The following CCDC178 variants were observed in gnomAD, a reference collection of about 807,000 sequenced individuals.
The protein encoded by CCDC178 is coiled-coil domain containing 178, also known as coiled-coil domain-containing protein 178.
CCDC178 carries 126 observed loss-of-function variants against 117.4 expected under a neutral mutation model. The observed-to-expected ratio is 1.07, with a 90% CI of 0.93 to 1.24. The LOEUF (loss-of-function observed/expected upper bound fraction) is 1.24. Ranked by LOEUF, CCDC178 falls within the 50% of genes most tolerant of loss-of-function variation. The pLI, the probability that CCDC178 is intolerant of heterozygous loss-of-function variation, is 0.00. For missense variants in CCDC178, 1,030 were observed against 986.9 expected, an observed-to-expected ratio of 1.04 and a Z score of -0.59; for synonymous variants, 283 against 313.4, an observed-to-expected ratio of 0.90 and a Z score of 1.02.
chr18:33,329,523 T>C (rs1397809786), intron 10 of CCDC178, among the ~76,000 whole-genome samples: 1 of 152,232 alleles, frequency 6.6e-6, no homozygotes, highest in African/African-American at 2.4e-5. Context: ...TTGTCCATTG[T>C]TTGTTCTTCA....
At chr18:33,317,998 G>T (rs991708739) in intron 11 of CCDC178, among the ~76,000 whole-genome samples, 1 of 151,968 alleles carries the variant, frequency 6.6e-6, no homozygotes, top group South Asian at 2.1e-4. Context: ...TGAAACAACC[G>T]GAAGAAGGCA....
At chr18:33,400,701 C>T (rs2063698035) in intron 3 of CCDC178, among the ~76,000 whole-genome samples, 1 of 152,144 alleles carries the variant, frequency 6.6e-6, no homozygotes, top group Admixed American at 6.6e-5. Flanking sequence ...TCTATCCAGA[C>T]CACTAAAACT....
intron 21 of CCDC178, among the ~76,000 whole-genome samples, chr18:33,055,737 C>T (rs1002071760): frequency 1.3e-5 from 2 of 152,064 alleles, no homozygotes; most frequent in Admixed American, 6.6e-5. Flanking sequence ...TAATTATCTT[C>T]AATTCTTTCT....
intron 21 of CCDC178, among the ~76,000 whole-genome samples, chr18:33,071,813 C>T (rs535965493): frequency 1.3e-5 from 2 of 152,160 alleles, no homozygotes; most frequent in African/African-American, 4.8e-5. Context: ...TGGGATCATC[C>T]AGTCAACTGC....
At chr18:33,292,442 G>A (rs1219695506) in intron 12 of CCDC178, among the ~76,000 whole-genome samples, 3 of 152,110 alleles carry the variant, frequency 2.0e-5, no homozygotes, top group Non-Finnish European at 2.9e-5. Context: ...TAGGGACATA[G>A]AGAGAGGTTG....
chr18:33,217,236 TAG>T (rs1227565476), intron 18 of CCDC178, among the ~76,000 whole-genome samples: 3 of 152,030 alleles, frequency 2.0e-5, no homozygotes, highest in African/African-American at 7.2e-5. Context: ...GTGGTATTTG[TAG>T]AGAGACTCAT....
intron 20 of CCDC178, among the ~76,000 whole-genome samples, chr18:33,122,884 T>C (rs2057955803): frequency 6.6e-6 from 1 of 152,162 alleles, no homozygotes; most frequent in African/African-American, 2.4e-5. Flanking sequence ...TCAAACACTC[T>C]ATCCATAGTC....
chr18:33,269,720 C>T (rs1431907671), intron 12 of CCDC178, among the ~76,000 whole-genome samples: 1 of 151,836 alleles, frequency 6.6e-6, no homozygotes, highest in South Asian at 2.1e-4. Context: ...CAAAACAAAA[C>T]AACAAAGATT....
At chr18:33,083,935 G>A (rs768781983) in intron 21 of CCDC178, among the ~76,000 whole-genome samples, 39 of 152,164 alleles carry the variant, frequency 2.6e-4, no homozygotes, top group Admixed American at 9.8e-4. Flanking sequence ...ACGCATTTGT[G>A]GTTTTTGGCA....
chr18:33,325,425 T>G (rs1334086312), intron 10 of CCDC178, among the ~76,000 whole-genome samples: 2 of 152,124 alleles, frequency 1.3e-5, no homozygotes, highest in Non-Finnish European at 2.9e-5. Flanking sequence ...GCAAATAATT[T>G]AAGTAATTTT....
chr18:33,410,975 A>G (rs2063842909), intron 3 of CCDC178, among the ~76,000 whole-genome samples: 1 of 152,144 alleles, frequency 6.6e-6, no homozygotes. Flanking sequence ...TTTCCCAGCC[A>G]AGACCCTAGA....
At chr18:33,049,378 A>G (rs1181554571) in intron 21 of CCDC178, among the ~76,000 whole-genome samples, 1 of 152,190 alleles carries the variant, frequency 6.6e-6, no homozygotes, top group African/African-American at 2.4e-5. Context: ...ACATGGACAA[A>G]TACATCTGCA....
At chr18:33,217,268 T>C (rs1255210143) in intron 18 of CCDC178, among the ~76,000 whole-genome samples, 3 of 152,036 alleles carry the variant, frequency 2.0e-5, no homozygotes, top group Non-Finnish European at 2.9e-5. Flanking sequence ...TGACTGATTC[T>C]TGGTTTTATT....
chr18:33,179,852 G>T (rs143062123), intron 20 of CCDC178, among the ~76,000 whole-genome samples: 1 of 151,844 alleles, frequency 6.6e-6, no homozygotes, highest in Non-Finnish European at 1.5e-5. Context: ...TTTTAACACC[G>T]CTAGTCTACA....
intron 21 of CCDC178, among the ~76,000 whole-genome samples, chr18:33,007,362 T>C (rs903310265): frequency 8.5e-5 from 13 of 152,110 alleles, no homozygotes; most frequent in Non-Finnish European, 1.8e-4. Flanking sequence ...CTTTCTTTCA[T>C]ATGATTATGT....
intron 21 of CCDC178, among the ~76,000 whole-genome samples, chr18:33,009,503 A>G (rs952338577): frequency 6.6e-6 from 1 of 152,052 alleles, no homozygotes; most frequent in Non-Finnish European, 1.5e-5. Context: ...TTACTGCAAT[A>G]TCTTTCCCGC....
intron 21 of CCDC178, among the ~76,000 whole-genome samples, chr18:33,020,116 G>GT (rs974063654): frequency 0.11 from 14,480 of 135,536 alleles, 1,055 homozygotes; most frequent in African/African-American, 0.2. Context: ...CGGATAATTG[G>GT]TTTTTTTTTT....
Position 32,986,469 on chromosome 18 carries a change from T to C in CCDC178, c.2389-11788A>G, listed in dbSNP as rs73415422. Among the ~76,000 whole-genome samples, 1,364 of 152,174 alleles carry C rather than the reference T, an allele frequency of 9.0e-3. 13 individuals carry two copies. The highest frequency in any genetic ancestry group is 0.031 in the African/African-American group (1,281 of 41,548). On this transcript the variant is annotated intron_variant, in intron 21 of 22. Coordinates refer to ENST00000383096, the MANE Select transcript of CCDC178 (RefSeq NM_001105528.4). ...GAAGATCTATTAACTTCTAGTCAAC[T>C]GAATATATTAATACATAGTAGAAAC...
At chr18:33,071,933 T>C (rs576381212) in intron 21 of CCDC178, among the ~76,000 whole-genome samples, 1 of 152,216 alleles carries the variant, frequency 6.6e-6, no homozygotes, top group South Asian at 2.1e-4. Context: ...TTGAATAATA[T>C]AAATACACAA....
Sources: allele counts gnomAD v4.1 joint callset (sites outside exome capture counted in the v4.1 genomes callset), GRCh38; gene constraint gnomAD v4.1.1; transcripts MANE v1.5; gene names NCBI Gene and HGNC (gene_info 2026-07-23, HGNC 2026-07-21).